EFCAB7: variants seen among roughly 807,000 people sequenced by gnomAD.
The protein encoded by EFCAB7 is EF-hand calcium binding domain 7, also known as EF-hand calcium-binding domain-containing protein 7.
In EFCAB7, 66 loss-of-function variants were observed where a neutral mutation model predicts 77.1. The ratio of observed to expected loss-of-function variants is 0.86; its 90% confidence interval spans 0.70 to 1.05. The LOEUF is 1.05. Among genes scored for constraint, EFCAB7 ranks in the 50% least tolerant of loss-of-function variants. EFCAB7 has a pLI of 0.00. For missense variants in EFCAB7, 638 were observed against 730.5 expected, an observed-to-expected ratio of 0.87 and a Z score of 1.46; for synonymous variants, 225 against 243.3, an observed-to-expected ratio of 0.92 and a Z score of 0.70.
intron 2 of EFCAB7, among the ~76,000 whole-genome samples, chr1:63,529,365 G>T (rs1313934684): frequency 6.6e-6 from 1 of 152,116 alleles, no homozygotes; most frequent in African/African-American, 2.4e-5. Flanking sequence ...TATAACCCAT[G>T]AGTTATGGCC....
At chr1:63,525,507 C>T in intron 1 of EFCAB7, 65 bp from the exon 2 acceptor site, 1 of 1,266,200 alleles carries the variant, frequency 7.9e-7, no homozygotes, top group Non-Finnish European at 1.1e-6. Flanking sequence ...ATTTGAAAGA[C>T]ATGGTGACAT....
At chr1:63,554,837 T>C (rs1647011036) in intron 8 of EFCAB7, among the ~76,000 whole-genome samples, 1 of 152,230 alleles carries the variant, frequency 6.6e-6, no homozygotes, top group Non-Finnish European at 1.5e-5. Flanking sequence ...ATTGAGCTCT[T>C]ACAAATGTGA....
intron 11 of EFCAB7, among the ~76,000 whole-genome samples, chr1:63,567,626 A>G (rs996211867): frequency 3.3e-5 from 5 of 152,146 alleles, no homozygotes; most frequent in African/African-American, 1.2e-4. Flanking sequence ...GTGAAAATAC[A>G]TAAGGATAAT....
intron 10 of EFCAB7, among the ~76,000 whole-genome samples, chr1:63,560,593 T>A (rs1339364301): frequency 6.7e-6 from 1 of 148,152 alleles, no homozygotes; most frequent in Admixed American, 6.8e-5. Flanking sequence ...CTCAGCTCAC[T>A]GCAACCTCCG....
intron 6 of EFCAB7, among the ~76,000 whole-genome samples, chr1:63,544,619 G>A (rs1368431460): frequency 6.6e-6 from 1 of 151,818 alleles, no homozygotes; most frequent in Non-Finnish European, 1.5e-5. Flanking sequence ...CACCATGTTG[G>A]CCAGGCTGGT....
At position 63,557,254 on chromosome 1, in the gene EFCAB7, ACTTTT is replaced by A. The variant is rs776162850; in HGVS notation, c.1348+14_1348+18del. On this transcript the variant is annotated splice_region_variant and intron_variant, in intron 10 of 13. Coordinates refer to ENST00000371088, the MANE Select transcript of EFCAB7 (RefSeq NM_032437.4). ...GCTTGGGCTGTCTGCAGAGGTAAGC[ACTTTT>A]CTTTTCCTTAACAGATGTATAAAAA... The A allele has an allele frequency of 2.1e-5, 33 of 1,591,104 alleles. No homozygotes were observed. The African/African-American group carries it at 2.6e-4, about 13-fold the overall frequency.
chr1:63,561,020 C>T (rs1447254096), intron 10 of EFCAB7, among the ~76,000 whole-genome samples: 4 of 152,146 alleles, frequency 2.6e-5, no homozygotes, highest in South Asian at 2.1e-4. Context: ...TAATAAATAA[C>T]GACTTATTAT....
At chr1:63,524,008 TTA>T (rs1646530756) in intron 1 of EFCAB7, among the ~76,000 whole-genome samples, 2 of 152,266 alleles carry the variant, frequency 1.3e-5, no homozygotes, top group South Asian at 4.2e-4. Flanking sequence ...GGCCGGAGTT[TTA>T]AGTAAGGGAG....
intron 8 of EFCAB7, among the ~76,000 whole-genome samples, chr1:63,552,076 T>C (rs1646972528): frequency 6.6e-6 from 1 of 152,070 alleles, no homozygotes; most frequent in Non-Finnish European, 1.5e-5. Context: ...TGGGAGGAGC[T>C]GGGCATGGTG....
At chr1:63,525,061 C>T (rs545401717) in intron 1 of EFCAB7, among the ~76,000 whole-genome samples, 1 of 152,090 alleles carries the variant, frequency 6.6e-6, no homozygotes, top group Non-Finnish European at 1.5e-5. Flanking sequence ...CCACTCATAT[C>T]CCGATTCTCA....
At chr1:63,573,738 G>A (rs1246757746), downstream of EFCAB7, among the ~76,000 whole-genome samples, 1 of 152,162 alleles carries the variant, frequency 6.6e-6, no homozygotes, top group African/African-American at 2.4e-5. Context: ...TACTAAAAAG[G>A]AGCATCCATA....
chr1:63,560,356 T>A (rs895953426), intron 10 of EFCAB7, among the ~76,000 whole-genome samples: 3 of 152,102 alleles, frequency 2.0e-5, no homozygotes, highest in Admixed American at 6.6e-5. Flanking sequence ...ATAGGTTTCT[T>A]AATGTATTTG....
rs1039183429 is a variant in EFCAB7 at position 63,523,591 on chromosome 1, C to T, written c.-45C>T. ...TGCGGTGAGAGGAACGCTGAATCGC[C>T]GAAGAGAATTGGCTGCGCTTCCTTG... On this transcript the variant is annotated 5_prime_UTR_variant, in exon 1 of 14. Transcript: ENST00000371088. 3 of 181,686 alleles carry T rather than the reference C, an allele frequency of 1.7e-5. No individual in the cohort carries two copies. Among genetic ancestry groups the T allele is most frequent in the Admixed American group, 5.5e-5 (1 of 18,288 alleles). The allele number at this position is 181,686 out of a possible 1,614,324, so 11.3% of individuals were successfully genotyped here.
At chr1:63,561,428 C>T (rs1267575918) in intron 10 of EFCAB7, among the ~76,000 whole-genome samples, 1 of 152,158 alleles carries the variant, frequency 6.6e-6, no homozygotes, top group Non-Finnish European at 1.5e-5. Flanking sequence ...AGAAATATTA[C>T]AGTTTCCTCT....
At chr1:63,581,331 G>A in the EFCAB7 span, among the ~76,000 whole-genome samples, 1 of 146,958 alleles carries the variant, frequency 6.8e-6, no homozygotes, top group Admixed American at 6.9e-5. Flanking sequence ...CTACTCAGGA[G>A]GCTCATGCAG....
rs547915530 is a variant in EFCAB7 at position 63,555,214 on chromosome 1, T to G, written c.1057-144T>G. On this transcript the variant is annotated intron_variant, in intron 8 of 13. Transcript: ENST00000371088. Reference sequence around the variant, plus strand: ...AAGAATTTGAAACCTGTAAAAAGACTGATAGGACTATAATAGAATTTGTAA... The same window carrying G: ...AAGAATTTGAAACCTGTAAAAAGACGGATAGGACTATAATAGAATTTGTAA... 1.6e-5 allele frequency: 14 copies of G among 888,620 alleles called. No individual in the cohort carries two copies. The South Asian group carries it at 2.8e-4, about 18-fold the overall frequency. 55.0% of individuals were successfully genotyped at this position (888,620 alleles called of 1,614,324 possible).
At chr1:63,570,757 A>AGT (rs1411490164) in intron 12 of EFCAB7, 6 of 237,912 alleles carry the variant, frequency 2.5e-5, no homozygotes, top group Non-Finnish European at 4.0e-5. Context: ...ATGTGACCCT[A>AGT]GTGTCCATAA....
At chr1:63,561,636 T>C (rs773437460) in intron 10 of EFCAB7, 73 bp from the exon 11 acceptor site, 47 of 914,182 alleles carry the variant, frequency 5.1e-5, no homozygotes, top group Middle Eastern at 3.5e-4. Context: ...TGAATAATAA[T>C]ATATCATAGA....
At chr1:63,552,320 C>T (rs1646975312) in intron 8 of EFCAB7, among the ~76,000 whole-genome samples, 1 of 152,124 alleles carries the variant, frequency 6.6e-6, no homozygotes, top group East Asian at 1.9e-4. Flanking sequence ...TTGTACCTTA[C>T]TTTCATCTTT....
Sources: gnomAD v4.1 joint callset for allele counts (sites outside exome capture counted in the v4.1 genomes callset) on GRCh38, gnomAD v4.1.1 for gene constraint, MANE v1.5 for transcripts, NCBI Gene and HGNC (gene_info 2026-07-23, HGNC 2026-07-21) for gene names.